CUZD1: variants seen among roughly 807,000 people sequenced by gnomAD.
CUZD1 encodes CUB and zona pellucida like domains 1.
In CUZD1, 42 loss-of-function variants were observed where a neutral mutation model predicts 53.1. The observed-to-expected ratio is 0.79, with a 90% CI of 0.62 to 1.02. The LOEUF is 1.02. CUZD1 is among the 50% of genes least tolerant of loss of function. The pLI is 0.00. For missense variants in CUZD1, 670 were observed against 715.7 expected, an observed-to-expected ratio of 0.94 and a Z score of 0.73; for synonymous variants, 238 against 257.2, an observed-to-expected ratio of 0.93 and a Z score of 0.71.
Position 122,841,262 on chromosome 10 carries a change from A to C in CUZD1, c.149T>G (p.Leu50Arg), listed in dbSNP as rs1215228209. The C allele has an allele frequency of 3.1e-6, 5 of 1,614,034 alleles. No homozygotes were observed. The change falls in exon 2 of 9, where the codon CTG (leucine) becomes CGG (arginine). Residue 50 changes from leucine (L) to arginine (R), a missense_variant. By Grantham distance (102) the Leu-to-Arg change is moderately radical (BLOSUM62 -2). Coordinates refer to ENST00000392790, the MANE Select transcript of CUZD1 (RefSeq NM_022034.6). ...NMAETHKAMI[L>R]QLNPSENCTW... ...GCAGTTCTCACTGGGATTGAGTTGC[A>C]GGATCATGGCTTTGTGGGTCTCTGC...
chr10:122,833,783 G>A lies in CUZD1; in HGVS notation c.1540C>T (p.Gln514Ter), dbSNP rs375780171. ...DSSDHQSRCNQGCVSRSKRDI... is the reference protein window; with the variant it reads ...DSSDHQSRCN Reference sequence around the variant, plus strand: ...CGTTTGCTTCTGGAGACACAACCTTGATTGCAGCGAGACTGGTGGTCACTG... The same window carrying A: ...CGTTTGCTTCTGGAGACACAACCTTAATTGCAGCGAGACTGGTGGTCACTG... Residue 514 changes from glutamine to a stop codon, truncating the protein, a stop_gained, in exon 8 of 9, where the codon CAA (glutamine) becomes TAA (stop). Coordinates refer to ENST00000392790, the MANE Select transcript of CUZD1 (RefSeq NM_022034.6). LOFTEE classifies it high-confidence loss of function. The A allele has an allele frequency of 8.1e-6, 13 of 1,613,862 alleles. No individual in the cohort carries two copies. The Admixed American group carries it at 8.3e-5, about 10-fold the overall frequency.
At position 122,836,971 on chromosome 10, in the gene CUZD1, C is replaced by A; in HGVS notation, c.677G>T (p.Gly226Val). ...GGGAGTCACACGGCCACAGACTTGTCCAATCAGGCCAGAGTTGGTGGAGGG... is the reference window on the plus strand; with the variant it reads ...GGGAGTCACACGGCCACAGACTTGTACAATCAGGCCAGAGTTGGTGGAGGG... ...DGPSTNSGLIGQVCGRVTPTF... is the reference protein window; with the variant it reads ...DGPSTNSGLIVQVCGRVTPTF... Residue 226 changes from glycine (G) to valine (V), a missense_variant, in exon 5 of 9, where the codon GGA becomes GTA. Coordinates refer to ENST00000392790, the MANE Select transcript of CUZD1 (RefSeq NM_022034.6). The A allele has an allele frequency of 6.2e-7, 1 of 1,614,054 alleles. No homozygotes were observed. Among genetic ancestry groups the A allele is most frequent in the Non-Finnish European group, 8.5e-7 (1 of 1,179,964 alleles).
At chr10:122,836,692 T>A (rs1847257103) in intron 5 of CUZD1, 139 bp downstream of exon 5, 2 of 660,186 alleles carry the variant, frequency 3.0e-6, no homozygotes, top group Non-Finnish European at 5.2e-6. Flanking sequence ...TTGTCAAGCT[T>A]AAGATTATGA....
Position 122,833,922 on chromosome 10 carries a change from A to T in CUZD1, c.1401T>A (p.Thr467=). 2 of 1,612,990 alleles carry T rather than the reference A, an allele frequency of 1.2e-6. No individual in the cohort carries two copies. The highest frequency in any genetic ancestry group is 1.7e-6 in the Non-Finnish European group (2 of 1,179,464). ...GTCCAAATAAGGGATACACCTTACA[A>T]GTTTCATCTCGACTACATCTGGAAC... ...LIKSGCSRDE[T]CKVYPLFGHY... Residue 467 remains threonine (T), a synonymous_variant, in exon 8 of 9, where the codon ACT becomes ACA. Coordinates refer to ENST00000392790, the MANE Select transcript of CUZD1 (RefSeq NM_022034.6).
At chr10:122,843,142 C>T (rs1417870579) in intron 1 of CUZD1, among the ~76,000 whole-genome samples, 1 of 152,162 alleles carries the variant, frequency 6.6e-6, no homozygotes. Flanking sequence ...CAAATGTCCA[C>T]ATAAAAACTT....
intron 1 of CUZD1, among the ~76,000 whole-genome samples, chr10:122,843,810 C>CATATAT (rs61634361): frequency 0.012 from 1,614 of 137,326 alleles, 32 homozygotes; most frequent in African/African-American, 0.034. Flanking sequence ...TATATACATA[C>CATATAT]ATATATATAT....
At chr10:122,836,083 C>G (rs1006274972) in intron 6 of CUZD1, 95 bp downstream of exon 6, 2 of 1,174,020 alleles carry the variant, frequency 1.7e-6, no homozygotes, top group Non-Finnish European at 2.4e-6. Context: ...ATTTGGGGGT[C>G]GTTTGTTACA....
intron 8 of CUZD1, 148 bp from the exon 9 acceptor site, chr10:122,832,598 C>T: frequency 2.3e-6 from 1 of 429,594 alleles, no homozygotes; most frequent in East Asian, 3.7e-5. Context: ...ATAGAGGAAC[C>T]ATTATCAAAT....
At chr10:122,843,806 C>CATAAATATATATATATAT (rs1376406613) in intron 1 of CUZD1, among the ~76,000 whole-genome samples, 1 of 127,958 alleles carries the variant, frequency 7.8e-6, no homozygotes, top group African/African-American at 3.5e-5. Context: ...CATATATATA[C>CATAAATATATATATATAT]ATACATATAT....
chr10:122,839,220 T>A lies in CUZD1; in HGVS notation c.245A>T (p.Asp82Val). ...AATGTTTTCACTTTCACAGCTTCCA[T>A]CTGGATCAAGCCTGTGGAAAAAACA... The part of the protein sequence containing the change: ...IIFSYVQLDP[D>V]GSCESENIKV... Residue 82 changes from aspartate (D) to valine (V), a missense_variant, in exon 3 of 9, where the codon GAT becomes GTT. Coordinates refer to ENST00000392790, the MANE Select transcript of CUZD1 (RefSeq NM_022034.6). 1.2e-6 allele frequency: 2 copies of A among 1,613,772 alleles called. No homozygotes were observed. The highest frequency in any genetic ancestry group is 1.3e-5 in the African/African-American group (1 of 75,016).
chr10:122,844,557 G>A (rs1847403360), intron 1 of CUZD1, among the ~76,000 whole-genome samples: 2 of 152,134 alleles, frequency 1.3e-5, no homozygotes, highest in Admixed American at 6.6e-5. Context: ...CTAAAGATAA[G>A]CTGTTAGCAG....
At chr10:122,842,579 T>G (rs1192786584) in intron 1 of CUZD1, among the ~76,000 whole-genome samples, 2 of 152,234 alleles carry the variant, frequency 1.3e-5, no homozygotes, top group African/African-American at 4.8e-5. Context: ...CAAAATTTTT[T>G]TGGCTATTCC....
Position 122,832,288 on chromosome 10 carries a change from T to C in CUZD1, c.1814A>G (p.Gln605Arg), listed in dbSNP as rs1847173383. The C allele has an allele frequency of 4.3e-6, 7 of 1,614,002 alleles. No homozygotes were observed. Among genetic ancestry groups the C allele is most frequent in the Non-Finnish European group, 5.9e-6 (7 of 1,179,986 alleles). Reference protein sequence around the residue: ...QRADYKYQKLQNY With the variant: ...QRADYKYQKLRNY ...GGTTGGACCTGTTAGTTAATAGTTCTGCAGCTTCTGGTATTTGTAGTCTGC... is the reference window on the plus strand; with the variant it reads ...GGTTGGACCTGTTAGTTAATAGTTCCGCAGCTTCTGGTATTTGTAGTCTGC... Residue 605 changes from glutamine (Q) to arginine (R), a missense_variant, in exon 9 of 9, where the codon CAG (glutamine) becomes CGG (arginine). By Grantham distance (43) the Gln-to-Arg change is conservative. Transcript: ENST00000392790.
chr10:122,843,877 T>C (rs915396331), intron 1 of CUZD1, among the ~76,000 whole-genome samples: 1 of 147,476 alleles, frequency 6.8e-6, no homozygotes, highest in Non-Finnish European at 1.5e-5. Flanking sequence ...CATTAGTCTA[T>C]ATATAATATA....
chr10:122,833,522 AATACTAATCCT>A, intron 8 of CUZD1, 139 bp downstream of exon 8: 1 of 771,028 alleles, frequency 1.3e-6, no homozygotes, highest in East Asian at 2.6e-5. Context: ...GATGGAAATA[AATACTAATCCT>A]ATATACTTAA....
At chr10:122,834,205 G>A (rs1272647820) in intron 7 of CUZD1, among the ~76,000 whole-genome samples, 4 of 152,112 alleles carry the variant, frequency 2.6e-5, no homozygotes, top group African/African-American at 9.7e-5. Context: ...TTCCTTACGT[G>A]CTTATCATTA....
chr10:122,835,005 A>T lies in CUZD1; in HGVS notation c.1083T>A (p.Ile361=). 2 of 1,613,610 alleles carry T rather than the reference A, an allele frequency of 1.2e-6. No individual in the cohort carries two copies. The highest frequency in any genetic ancestry group is 1.7e-6 in the Non-Finnish European group (2 of 1,179,686). ...EVITRQKQLQ[I]IVKCEMGHNS... is the part of the protein sequence containing the mutation. The stretch of plus-strand genomic sequence containing the variant: ...TATGTCCCATTTCACACTTCACAAT[A>T]ATCTGGAGTTGTTTCTGACGGGTGA... Residue 361 remains isoleucine, a synonymous_variant, in exon 7 of 9, where the codon ATT becomes ATA. Transcript: ENST00000392790.
chr10:122,834,811 ACTT>A lies in CUZD1; in HGVS notation c.1274_1276del (p.Gln425_Val426delinsLeu). The A allele has an allele frequency of 6.2e-7, 1 of 1,613,936 alleles. No homozygotes were observed. The highest frequency in any genetic ancestry group is 8.5e-7 in the Non-Finnish European group (1 of 1,179,870). On this transcript the variant is annotated inframe_deletion, in exon 7 of 9. Transcript: ENST00000392790. ...ATTTGGATCTGAGGTGTGCAGACTA[ACTT>A]GAACAAAAAGAGTTTGGTTCAAATC...
intron 3 of CUZD1, among the ~76,000 whole-genome samples, chr10:122,838,765 A>G (rs1054585169): frequency 2.3e-4 from 35 of 152,196 alleles, no homozygotes; most frequent in Admixed American, 1.8e-3. Flanking sequence ...GGAGCTAGTT[A>G]GAAAGTCAAG....
Sources: allele counts gnomAD v4.1 joint callset (sites outside exome capture counted in the v4.1 genomes callset), GRCh38; gene constraint gnomAD v4.1.1; transcripts MANE v1.5; gene names NCBI Gene and HGNC (gene_info 2026-07-23, HGNC 2026-07-21).